Variants in AGBL4 observed in about 807,000 individuals in gnomAD.
The protein encoded by AGBL4 is AGBL carboxypeptidase 4.
In AGBL4, 58 loss-of-function variants were observed where a neutral mutation model predicts 66.4. That is an observed-to-expected ratio of 0.87 (90% CI 0.71 to 1.09). The LOEUF (loss-of-function observed/expected upper bound fraction) is 1.09. Ranked by LOEUF, AGBL4 falls within the 50% of genes least tolerant of loss-of-function variation. AGBL4 has a pLI of 0.00. For synonymous variants in AGBL4, 234 were observed against 222.9 expected (o/e 1.05, Z -0.44); for missense variants, 579 against 631.0 (o/e 0.92, Z 0.88).
chr1:48,614,953 A>G (rs1645295406), intron 9 of AGBL4, among the ~76,000 whole-genome samples: 1 of 152,164 alleles, frequency 6.6e-6, no homozygotes. Flanking sequence ...AGCCTATACT[A>G]TGTGCTCATT....
At chr1:49,266,938 GA>G (rs1163227976) in intron 3 of AGBL4, among the ~76,000 whole-genome samples, 1 of 152,216 alleles carries the variant, frequency 6.6e-6, no homozygotes, top group Non-Finnish European at 1.5e-5. Flanking sequence ...AGGCTGCACT[GA>G]ATGACTGTTC....
At position 49,045,628 on chromosome 1, in the gene AGBL4, T is replaced by C. The variant is rs763928256; in HGVS notation, c.550A>G (p.Arg184Gly). The C allele has an allele frequency of 6.2e-7, 1 of 1,602,038 alleles. No individual in the cohort carries two copies. Among genetic ancestry groups the C allele is most frequent in the East Asian group, 2.3e-5 (1 of 44,440 alleles). Residue 184 changes from arginine (R) to glycine (G), a missense_variant, in exon 5 of 14, where the codon AGA becomes GGA. By Grantham distance (125) the Arg-to-Gly change is moderately radical. Transcript: ENST00000371839. ...FQHYLDSLQK[R>G]NMDYFFREQL... ...TCCCGAAAGAAGTAATCCATGTTTCTCTTTTGCAGGCTGTCAAGGTAATGT... is the reference window on the plus strand; with the variant it reads ...TCCCGAAAGAAGTAATCCATGTTTCCCTTTTGCAGGCTGTCAAGGTAATGT...
chr1:49,601,595 A>G (rs1392854990), intron 3 of AGBL4, among the ~76,000 whole-genome samples: 1 of 152,162 alleles, frequency 6.6e-6, no homozygotes, highest in Non-Finnish European at 1.5e-5. Context: ...AAAAACAAGC[A>G]ATGGGGAAAG....
At chr1:49,404,456 C>A (rs1645153644) in intron 3 of AGBL4, among the ~76,000 whole-genome samples, 2 of 152,154 alleles carry the variant, frequency 1.3e-5, no homozygotes, top group Non-Finnish European at 2.9e-5. Context: ...ATCCAGTCAT[C>A]CAGTGTGGTG....
At position 49,507,068 on chromosome 1, in the gene AGBL4, C is replaced by T. The variant is rs1286352485; in HGVS notation, c.282+190245G>A. Among the ~76,000 whole-genome samples, 3 of 152,030 alleles carry T rather than the reference C, an allele frequency of 2.0e-5. No individual in the cohort carries two copies. The East Asian group carries it at 5.8e-4, about 29-fold the overall frequency. ...GACCTGTCTCAAGAAGATGTGGCAG[C>T]TTCCATTCTGCATTCTTGGGTGTCC... On this transcript the variant is annotated intron_variant, in intron 3 of 13. Transcript: ENST00000371839.
intron 5 of AGBL4, among the ~76,000 whole-genome samples, chr1:49,003,259 G>T (rs541118127): frequency 6.6e-6 from 1 of 152,032 alleles, no homozygotes; most frequent in African/African-American, 2.4e-5. Context: ...TTAGCTGGGC[G>T]TGGTGGCACA....
intron 5 of AGBL4, among the ~76,000 whole-genome samples, chr1:49,012,959 T>C (rs559478282): frequency 6.6e-6 from 1 of 152,352 alleles, no homozygotes; most frequent in African/African-American, 2.4e-5. Context: ...AGAGTGGATC[T>C]GTTATAAAAG....
intron 6 of AGBL4, among the ~76,000 whole-genome samples, chr1:48,714,040 C>T (rs1449051489): frequency 6.6e-6 from 1 of 152,100 alleles, no homozygotes; most frequent in Non-Finnish European, 1.5e-5. Flanking sequence ...GAGTACATCT[C>T]ATTACTATAA....
chr1:49,792,927 G>A (rs998909292), intron 2 of AGBL4, among the ~76,000 whole-genome samples: 1 of 152,040 alleles, frequency 6.6e-6, no homozygotes, highest in South Asian at 2.1e-4. Flanking sequence ...TTTCTTATTT[G>A]TTTAATGAGA....
At chr1:49,444,823 C>T (rs1646116410) in intron 3 of AGBL4, among the ~76,000 whole-genome samples, 2 of 151,850 alleles carry the variant, frequency 1.3e-5, no homozygotes, top group South Asian at 2.1e-4. Context: ...TTGTTTTCTG[C>T]TTGTTTTATA....
At chr1:49,553,372 G>A (rs1288887434) in intron 3 of AGBL4, among the ~76,000 whole-genome samples, 2 of 152,206 alleles carry the variant, frequency 1.3e-5, no homozygotes, top group African/African-American at 4.8e-5. Context: ...ACTTCTCATG[G>A]TGGATGAGAC....
chr1:49,887,104 A>T (rs1052661179), intron 1 of AGBL4, among the ~76,000 whole-genome samples: 1 of 151,514 alleles, frequency 6.6e-6, no homozygotes, highest in Non-Finnish European at 1.5e-5. Flanking sequence ...AAGGTGGAGT[A>T]AACAAGTGTA....
intron 4 of AGBL4, among the ~76,000 whole-genome samples, chr1:49,076,620 T>C (rs1322296398): frequency 6.6e-6 from 1 of 152,198 alleles, no homozygotes; most frequent in Non-Finnish European, 1.5e-5. Context: ...CTGCAGAATG[T>C]TGCAGTAATC....
chr1:48,829,138 G>C (rs988796560), intron 6 of AGBL4, among the ~76,000 whole-genome samples: 5 of 152,326 alleles, frequency 3.3e-5, no homozygotes, highest in Admixed American at 2.6e-4. Context: ...ACAGTCATGA[G>C]CACTTGCCAT....
At chr1:49,509,676 A>C (rs1040325846) in intron 3 of AGBL4, among the ~76,000 whole-genome samples, 2 of 151,982 alleles carry the variant, frequency 1.3e-5, no homozygotes, top group African/African-American at 4.8e-5. Context: ...CATAATGTTT[A>C]AGAGCTTAGA....
intron 6 of AGBL4, among the ~76,000 whole-genome samples, chr1:48,839,787 T>C (rs1039778231): frequency 2.6e-5 from 4 of 152,158 alleles, no homozygotes; most frequent in African/African-American, 9.7e-5. Flanking sequence ...ACAGTGCTCG[T>C]CCTGGTTCAC....
chr1:49,346,905 G>T (rs1645642599), intron 3 of AGBL4, among the ~76,000 whole-genome samples: 1 of 152,150 alleles, frequency 6.6e-6, no homozygotes, highest in Admixed American at 6.5e-5. Context: ...AGGAGCTTAG[G>T]CATTCTTAAT....
At chr1:49,677,158 T>A (rs1267260250) in intron 3 of AGBL4, among the ~76,000 whole-genome samples, 1 of 152,084 alleles carries the variant, frequency 6.6e-6, no homozygotes, top group South Asian at 2.1e-4. Flanking sequence ...TCTACTTACT[T>A]AGTCTCTCTC....
At chr1:48,638,203 G>A (rs1472571637) in intron 8 of AGBL4, among the ~76,000 whole-genome samples, 3 of 152,136 alleles carry the variant, frequency 2.0e-5, no homozygotes, top group Admixed American at 2.0e-4. Context: ...TTAGCTGAAT[G>A]TGCCTCCCAG....
Sources: allele counts gnomAD v4.1 joint callset (sites outside exome capture counted in the v4.1 genomes callset), GRCh38; gene constraint gnomAD v4.1.1; transcripts MANE v1.5; gene names NCBI Gene and HGNC (gene_info 2026-07-23, HGNC 2026-07-21).